VTI1A: variants seen among roughly 807,000 people sequenced by gnomAD.
VTI1A encodes vesicle transport through interaction with t-SNAREs 1A, also known as vesicle transport through interaction with t-SNAREs homolog 1A.
In VTI1A, 22 loss-of-function variants were observed where a neutral mutation model predicts 34.9. The observed-to-expected ratio is 0.63, with a 90% CI of 0.45 to 0.90. VTI1A has a LOEUF of 0.90. Among genes scored for constraint, VTI1A ranks in the 40% least tolerant of loss-of-function variants. The probability of loss-of-function intolerance (pLI) is 0.00; values close to 1 mark genes in which losing one functional copy is unlikely to be tolerated. For synonymous variants in VTI1A, 87 were observed against 97.3 expected, an observed-to-expected ratio of 0.89 and a Z score of 0.62; for missense variants, 268 against 275.6, an observed-to-expected ratio of 0.97 and a Z score of 0.20.
intron 7 of VTI1A, among the ~76,000 whole-genome samples, chr10:112,736,109 GTGTATATATA>G (rs1240301138): frequency 1.0e-4 from 12 of 116,864 alleles, no homozygotes; most frequent in Admixed American, 1.7e-4. Flanking sequence ...ATATGTGTGT[GTGTATATATA>G]TATATATATA....
chr10:112,802,626 A>G (rs1411541429), intron 7 of VTI1A, among the ~76,000 whole-genome samples: 2 of 152,212 alleles, frequency 1.3e-5, no homozygotes, highest in Admixed American at 1.3e-4. Context: ...ATGTTGCTGC[A>G]GCCGCATTCT....
rs1210295074 is a variant in VTI1A, at chr10:112,543,010, TC to T, written c.427+4682del. On this transcript the variant is annotated intron_variant, in intron 5 of 7. Transcript: ENST00000393077. ...TGTGCCTACAAAGGACATGAACTCC[TC>T]CTTTTTTATGGCTGCATAGTATTCC... is the stretch of plus-strand genomic sequence containing the variant. 2.6e-5 allele frequency among the ~76,000 whole-genome samples: 4 copies of T among 152,064 alleles called. No homozygotes were observed. The East Asian group carries it at 7.7e-4, about 29-fold the overall frequency.
chr10:112,587,487 A>G (rs552862369), intron 5 of VTI1A, among the ~76,000 whole-genome samples: 114 of 152,340 alleles, frequency 7.5e-4, no homozygotes, highest in Middle Eastern at 3.4e-3. Flanking sequence ...ACTCCTTTAC[A>G]TTAATGAAGC....
At chr10:112,633,049 T>C (rs1846196663) in intron 5 of VTI1A, among the ~76,000 whole-genome samples, 1 of 152,156 alleles carries the variant, frequency 6.6e-6, no homozygotes, top group Non-Finnish European at 1.5e-5. Flanking sequence ...GGGCTGGGCG[T>C]GGTGGCTCAT....
At chr10:112,764,035 G>A (rs1436134441) in intron 7 of VTI1A, among the ~76,000 whole-genome samples, 1 of 152,198 alleles carries the variant, frequency 6.6e-6, no homozygotes, top group Non-Finnish European at 1.5e-5. Flanking sequence ...TTAAATAGTT[G>A]CAATCATGCC....
chr10:112,834,166 T>C, the VTI1A span, among the ~76,000 whole-genome samples: 2 of 152,058 alleles, frequency 1.3e-5, no homozygotes, highest in Non-Finnish European at 2.9e-5. Context: ...CAGCAGTGAG[T>C]GCTCAGTGAA....
chr10:112,556,407 TA>T (rs1851546235), intron 5 of VTI1A, among the ~76,000 whole-genome samples: 1 of 152,016 alleles, frequency 6.6e-6, no homozygotes, highest in South Asian at 2.1e-4. Context: ...ATTTCAACTC[TA>T]AAAACCTCAT....
At chr10:112,692,270 T>G (rs1848639561) in intron 7 of VTI1A, among the ~76,000 whole-genome samples, 1 of 152,224 alleles carries the variant, frequency 6.6e-6, no homozygotes, top group Non-Finnish European at 1.5e-5. Context: ...TGGGGTTCCA[T>G]CCAAACTTAA....
intron 5 of VTI1A, among the ~76,000 whole-genome samples, chr10:112,552,645 T>C (rs1463928067): frequency 1.3e-5 from 2 of 152,048 alleles, no homozygotes; most frequent in Non-Finnish European, 2.9e-5. Flanking sequence ...AAGGTAAGCA[T>C]GAAGATGGAC....
At chr10:112,605,706 C>T (rs1187091694) in intron 5 of VTI1A, among the ~76,000 whole-genome samples, 1 of 152,170 alleles carries the variant, frequency 6.6e-6, no homozygotes, top group Non-Finnish European at 1.5e-5. Flanking sequence ...GTGCTTGCAG[C>T]TCCATGTCAT....
At chr10:112,546,020 ACGTGTATACGCGTATGTG>A (rs1851085964) in intron 5 of VTI1A, among the ~76,000 whole-genome samples, 1 of 138,880 alleles carries the variant, frequency 7.2e-6, no homozygotes, top group African/African-American at 3.1e-5. Context: ...GTGTGTATAT[ACGTGTATACGCGTATGTG>A]TGTGTATATA....
the VTI1A span, among the ~76,000 whole-genome samples, chr10:112,828,266 A>G: frequency 1.3e-5 from 2 of 152,170 alleles, no homozygotes; most frequent in East Asian, 1.9e-4. Context: ...TCAGATACCT[A>G]AAGAATGCCT....
At chr10:112,624,028 A>G (rs992548328) in intron 5 of VTI1A, among the ~76,000 whole-genome samples, 7 of 152,230 alleles carry the variant, frequency 4.6e-5, no homozygotes, top group Admixed American at 3.9e-4. Flanking sequence ...AGAGACCAGC[A>G]TGGGACTGAC....
intron 1 of VTI1A, among the ~76,000 whole-genome samples, chr10:112,459,297 G>A (rs1847648712): frequency 1.3e-5 from 2 of 152,150 alleles, no homozygotes; most frequent in South Asian, 2.1e-4. Context: ...TTCAGCCATT[G>A]CACGCTTGCT....
At chr10:112,455,619 C>T (rs916070423) in intron 1 of VTI1A, among the ~76,000 whole-genome samples, 2 of 130,200 alleles carry the variant, frequency 1.5e-5, no homozygotes, top group Non-Finnish European at 3.2e-5. Flanking sequence ...TTGTTCTTTC[C>T]CTCCTTCCTT....
At chr10:112,469,728 T>C (rs895466083) in intron 3 of VTI1A, among the ~76,000 whole-genome samples, 1 of 152,224 alleles carries the variant, frequency 6.6e-6, no homozygotes, top group African/African-American at 2.4e-5. Context: ...ATTCAATCCA[T>C]TACTCCCCAG....
intron 5 of VTI1A, among the ~76,000 whole-genome samples, chr10:112,618,534 G>GAGAGAGAGAA (rs1554922609): frequency 0.012 from 1,545 of 128,574 alleles, 18 homozygotes; most frequent in Non-Finnish European, 0.018. Context: ...TAGAGAGAGA[G>GAGAGAGAGAA]AGAGAGAGAG....
At chr10:112,614,063 G>C (rs1174722108) in intron 5 of VTI1A, among the ~76,000 whole-genome samples, 2 of 152,042 alleles carry the variant, frequency 1.3e-5, no homozygotes, top group Non-Finnish European at 2.9e-5. Context: ...AAGAGAAGTG[G>C]GTTTTAGAGG....
intron 7 of VTI1A, among the ~76,000 whole-genome samples, chr10:112,705,456 A>T (rs534552033): frequency 6.6e-6 from 1 of 151,862 alleles, no homozygotes; most frequent in African/African-American, 2.4e-5. Flanking sequence ...TGACTCCATT[A>T]TTGCTGCCAG....
Sources: gnomAD v4.1 joint callset for allele counts (sites outside exome capture counted in the v4.1 genomes callset) on GRCh38, gnomAD v4.1.1 for gene constraint, MANE v1.5 for transcripts, NCBI Gene and HGNC (gene_info 2026-07-23, HGNC 2026-07-21) for gene names.